The following ZSWIM5 variants were observed in gnomAD, a reference collection of about 807,000 sequenced individuals.
The protein encoded by ZSWIM5 is zinc finger SWIM domain-containing protein 5.
ZSWIM5 carries 55 observed loss-of-function variants against 119.6 expected under a neutral mutation model. The observed-to-expected ratio is 0.46, with a 90% CI of 0.37 to 0.58. The LOEUF (loss-of-function observed/expected upper bound fraction) is 0.58. Ranked by LOEUF, ZSWIM5 falls within the 20% of genes least tolerant of loss-of-function variation. The probability of loss-of-function intolerance (pLI) is 0.00; values close to 1 mark genes in which losing one functional copy is unlikely to be tolerated. For missense variants in ZSWIM5, 1,193 were observed against 1,512.8 expected (o/e 0.79, Z 3.51); for synonymous variants, 537 against 606.9 (o/e 0.88, Z 1.69).
At position 45,108,648 on chromosome 1, in the gene ZSWIM5, A is replaced by G. The variant is rs1306000048; in HGVS notation, c.596-20411T>C. 3.3e-5 allele frequency among the ~76,000 whole-genome samples: 5 copies of G among 151,732 alleles called. No individual in the cohort carries two copies. The South Asian group carries it at 6.2e-4, about 19-fold the overall frequency. Reference sequence around the variant, plus strand: ...TTTAAATGTGTTTTATATATAATATATATTACATATAATGATCTTATAATA... The same window carrying G: ...TTTAAATGTGTTTTATATATAATATGTATTACATATAATGATCTTATAATA... On this transcript the variant is annotated intron_variant, in intron 1 of 13. Transcript: ENST00000359600.
chr1:45,200,760 A>C (rs1221226655), intron 1 of ZSWIM5, among the ~76,000 whole-genome samples: 1 of 152,242 alleles, frequency 6.6e-6, no homozygotes, highest in East Asian at 1.9e-4. Context: ...AATAATGCTT[A>C]CCTAATAAAA....
Position 45,119,834 on chromosome 1 carries a change from C to G in ZSWIM5, c.596-31597G>C, listed in dbSNP as rs965466192. Reference sequence around the variant, plus strand: ...TCATTTTCACATCTCTTCTGATGATCTCATCTTACACCTCCCAGAGAAATC... The same window carrying G: ...TCATTTTCACATCTCTTCTGATGATGTCATCTTACACCTCCCAGAGAAATC... On this transcript the variant is annotated intron_variant, in intron 1 of 13. Coordinates refer to ENST00000359600, the MANE Select transcript of ZSWIM5 (RefSeq NM_020883.2). Among the ~76,000 whole-genome samples the G allele has an allele frequency of 6.6e-5, 10 of 152,174 alleles. No homozygotes were observed. The East Asian group carries it at 1.7e-3, about 26-fold the overall frequency.
intron 1 of ZSWIM5, among the ~76,000 whole-genome samples, chr1:45,198,073 G>A (rs1267666350): frequency 2.0e-5 from 3 of 152,170 alleles, no homozygotes; most frequent in East Asian, 1.9e-4. Context: ...TGCTCTAATC[G>A]AGGACAGACA....
In ZSWIM5 at chr1:45,020,910, G is replaced by A. The variant is rs959954825; in HGVS notation, c.2450-122C>T. On this transcript the variant is annotated intron_variant, in intron 11 of 13. Coordinates refer to ENST00000359600, the MANE Select transcript of ZSWIM5 (RefSeq NM_020883.2). ...TCATTGAATGCTTCTGAATGCTACC[G>A]CCCCTTCTGGGTTATCGAGCTGTCT... is the stretch of plus-strand genomic sequence containing the variant. The A allele has an allele frequency of 1.2e-5, 14 of 1,193,150 alleles. No individual in the cohort carries two copies. The Admixed American group carries it at 1.5e-4, about 13-fold the overall frequency. The allele number at this position is 1,193,150 out of a possible 1,614,324, so 73.9% of individuals were successfully genotyped here.
intron 1 of ZSWIM5, among the ~76,000 whole-genome samples, chr1:45,094,021 TTATATTTATTTA>T (rs1161564657): frequency 1.7e-5 from 2 of 119,942 alleles, no homozygotes; most frequent in East Asian, 4.3e-4. Flanking sequence ...ATTTTTATTT[TTATATTTATTTA>T]TTTATTTATT....
intron 1 of ZSWIM5, among the ~76,000 whole-genome samples, chr1:45,146,929 T>G (rs1312705765): frequency 6.6e-6 from 1 of 152,176 alleles, no homozygotes; most frequent in Non-Finnish European, 1.5e-5. Context: ...ACTGTGAATC[T>G]AACTGAATTC....
In ZSWIM5 at chr1:45,181,627, T is replaced by C. The variant is rs1646020602; in HGVS notation, c.595+24129A>G. On this transcript the variant is annotated intron_variant, in intron 1 of 13. Transcript: ENST00000359600. ...GAAGAGCAACTCCAAGACACATAAT[T>C]GTCAGATTCACCAAAGTTGAAATGA... Among the ~76,000 whole-genome samples, 4 of 152,006 alleles carry C rather than the reference T, an allele frequency of 2.6e-5. No homozygotes were observed. In the South Asian group the frequency reaches 8.3e-4, roughly 32 times the overall value.
chr1:45,038,269 C>A lies in ZSWIM5; in HGVS notation c.1894+667G>T, dbSNP rs371899527. On this transcript the variant is annotated intron_variant, in intron 8 of 13. Transcript: ENST00000359600. ...ACCAGAAAATATTATTATGCAATTG[C>A]AAGGGATACACAGATTCTTAATGGA... Among the ~76,000 whole-genome samples the A allele has an allele frequency of 4.6e-5, 7 of 152,276 alleles. No individual in the cohort carries two copies. In the East Asian group the frequency reaches 7.7e-4, roughly 17 times the overall value.
At chr1:45,197,786 G>C (rs768985998) in intron 1 of ZSWIM5, among the ~76,000 whole-genome samples, 2 of 152,158 alleles carry the variant, frequency 1.3e-5, no homozygotes, top group Non-Finnish European at 2.9e-5. Context: ...GCACTAAAAA[G>C]GATAAGACAT....
chr1:45,133,596 C>A (rs1645672297), intron 1 of ZSWIM5, among the ~76,000 whole-genome samples: 2 of 152,142 alleles, frequency 1.3e-5, no homozygotes, highest in African/African-American at 4.8e-5. Context: ...TTTTGCTGTG[C>A]AGAAGCTCTT....
chr1:45,175,958 T>C (rs1645978218), intron 1 of ZSWIM5, among the ~76,000 whole-genome samples: 1 of 151,854 alleles, frequency 6.6e-6, no homozygotes, highest in South Asian at 2.1e-4. Context: ...CACAAGAACA[T>C]GTTCAAGGCT....
intron 1 of ZSWIM5, among the ~76,000 whole-genome samples, chr1:45,114,116 C>A (rs920317327): frequency 6.6e-6 from 1 of 152,116 alleles, no homozygotes. Context: ...ATATAATGTG[C>A]AAGTCCAAAA....
intron 1 of ZSWIM5, among the ~76,000 whole-genome samples, chr1:45,173,631 GTTTCTTATCAGGGCCTCA>G (rs1338013269): frequency 6.6e-6 from 1 of 152,020 alleles, no homozygotes; most frequent in Non-Finnish European, 1.5e-5. Flanking sequence ...ATTTGGACTA[GTTTCTTATCAGGGCCTCA>G]TTTCCTCATA....
At position 45,058,670 on chromosome 1, in the gene ZSWIM5, T is replaced by C. The variant is rs376572988; in HGVS notation, c.1191A>G (p.Thr397=). The C allele has an allele frequency of 6.8e-6, 11 of 1,614,096 alleles. No individual in the cohort carries two copies. The African/African-American group carries it at 1.3e-4, about 20-fold the overall frequency. The stretch of plus-strand genomic sequence containing the variant: ...TGTTTGTTCCTTGCTGCCTCCAGAG[T>C]GTGAGTCGTGGGTCAGCCACAAACT... ...TEQFVADPRL[T]LWRQQGTNMT... Residue 397 remains threonine, a synonymous_variant, in exon 4 of 14, where the codon ACA becomes ACG. Coordinates refer to ENST00000359600, the MANE Select transcript of ZSWIM5 (RefSeq NM_020883.2).
chr1:45,097,277 T>C (rs1645409169), intron 1 of ZSWIM5, among the ~76,000 whole-genome samples: 1 of 152,212 alleles, frequency 6.6e-6, no homozygotes, highest in Non-Finnish European at 1.5e-5. Context: ...AGACCATTTT[T>C]CTGTTTGGAC....
chr1:45,205,682 C>T (rs1159083245), intron 1 of ZSWIM5, 74 bp downstream of exon 1: 7 of 1,375,106 alleles, frequency 5.1e-6, no homozygotes, highest in Non-Finnish European at 5.7e-6. Context: ...GTCTCGGCCC[C>T]AGGGCTCGGG....
intron 1 of ZSWIM5, among the ~76,000 whole-genome samples, chr1:45,145,034 T>C (rs928158057): frequency 6.6e-6 from 1 of 152,118 alleles, no homozygotes; most frequent in African/African-American, 2.4e-5. Context: ...GAAGAGAATA[T>C]ACAAATGGCA....
intron 2 of ZSWIM5, among the ~76,000 whole-genome samples, chr1:45,079,648 G>A (rs781267408): frequency 6.6e-6 from 1 of 151,918 alleles, no homozygotes; most frequent in Admixed American, 6.6e-5. Flanking sequence ...GCAAGACAAA[G>A]TCCCCTTTGC....
intron 1 of ZSWIM5, among the ~76,000 whole-genome samples, chr1:45,091,395 GC>G (rs1333875067): frequency 6.6e-6 from 1 of 151,436 alleles, no homozygotes; most frequent in African/African-American, 2.4e-5. Context: ...GGTGGCTCAT[GC>G]CTGTAATCCC....
Sources: allele counts gnomAD v4.1 joint callset (sites outside exome capture counted in the v4.1 genomes callset), GRCh38; gene constraint gnomAD v4.1.1; transcripts MANE v1.5; gene names NCBI Gene and HGNC (gene_info 2026-07-23, HGNC 2026-07-21).